Variants in CACNA2D3 observed in about 807,000 individuals in gnomAD.
CACNA2D3 encodes calcium voltage-gated channel auxiliary subunit alpha2delta 3, also known as voltage-dependent calcium channel subunit alpha-2/delta-3.
A neutral mutation model predicts 160.6 loss-of-function variants in CACNA2D3; 60 were observed. That is an observed-to-expected ratio of 0.37 (90% CI 0.30 to 0.46). The LOEUF (loss-of-function observed/expected upper bound fraction) is 0.46, where lower values mean the gene tolerates loss of function less well. CACNA2D3 is among the 20% of genes least tolerant of loss of function. The pLI is 1.00. For missense variants in CACNA2D3, 1,205 were observed against 1,365.0 expected, an observed-to-expected ratio of 0.88 and a Z score of 1.85; for synonymous variants, 558 against 492.9, an observed-to-expected ratio of 1.13 and a Z score of -1.75.
At chr3:55,002,451 C>G (rs1703004306) in intron 31 of CACNA2D3, among the ~76,000 whole-genome samples, 1 of 152,188 alleles carries the variant, frequency 6.6e-6, no homozygotes, top group African/African-American at 2.4e-5. Context: ...CAGTCAGGGA[C>G]CAATTAGAGT....
At chr3:54,404,686 A>G (rs1046626454) in intron 4 of CACNA2D3, among the ~76,000 whole-genome samples, 2 of 152,136 alleles carry the variant, frequency 1.3e-5, no homozygotes, top group Non-Finnish European at 2.9e-5. Flanking sequence ...AAAAGAAGTA[A>G]AATTATCACG....
intron 5 of CACNA2D3, among the ~76,000 whole-genome samples, chr3:54,554,005 C>T (rs1702200795): frequency 6.6e-6 from 1 of 152,204 alleles, no homozygotes; most frequent in Non-Finnish European, 1.5e-5. Context: ...TTGCCACGAC[C>T]TCCCCACCTC....
intron 11 of CACNA2D3, among the ~76,000 whole-genome samples, chr3:54,746,139 A>G (rs1228941486): frequency 6.6e-6 from 1 of 152,204 alleles, no homozygotes; most frequent in Non-Finnish European, 1.5e-5. Context: ...CTTTGAGCCC[A>G]TCTCTACTCT....
intron 29 of CACNA2D3, among the ~76,000 whole-genome samples, chr3:54,981,691 C>T (rs150211165): frequency 3.7e-4 from 57 of 152,294 alleles, no homozygotes; most frequent in African/African-American, 1.1e-3. Flanking sequence ...GGAGCCAAGC[C>T]GCAACACAAA....
At position 54,776,679 on chromosome 3, in the gene CACNA2D3, G is replaced by T. The variant is rs562828751; in HGVS notation, c.1380+12328G>T. 2.0e-3 allele frequency among the ~76,000 whole-genome samples: 302 copies of T among 152,276 alleles called. 2 individuals are homozygous for T. Among genetic ancestry groups the T allele is most frequent in the Non-Finnish European group, 2.6e-3 (178 of 68,018 alleles). On this transcript the variant is annotated intron_variant, in intron 13 of 37. Transcript: ENST00000474759. The stretch of plus-strand genomic sequence containing the variant: ...TGAGGTTTCTGTAACTTACAGCCCG[G>T]CTGAGCTCTGATCCTAACTCTCAGG...
intron 13 of CACNA2D3, among the ~76,000 whole-genome samples, chr3:54,800,278 A>G (rs1429833909): frequency 6.6e-6 from 1 of 152,218 alleles, no homozygotes; most frequent in Non-Finnish European, 1.5e-5. Flanking sequence ...GGGGACCAAT[A>G]TAATTTTCAA....
chr3:54,137,549 TG>T (rs1038949961), intron 2 of CACNA2D3, among the ~76,000 whole-genome samples: 8 of 152,214 alleles, frequency 5.3e-5, no homozygotes, highest in African/African-American at 1.9e-4. Context: ...CACAAAACTG[TG>T]TTTTTTTTCT....
intron 9 of CACNA2D3, among the ~76,000 whole-genome samples, chr3:54,609,071 G>T (rs772196383): frequency 6.6e-6 from 1 of 152,192 alleles, no homozygotes; most frequent in Admixed American, 6.5e-5. Flanking sequence ...AATCTTTAAT[G>T]TGTATTTGGA....
chr3:54,683,331 A>T (rs1442370179), intron 11 of CACNA2D3, among the ~76,000 whole-genome samples: 6 of 152,168 alleles, frequency 3.9e-5, no homozygotes, highest in African/African-American at 2.4e-5. Context: ...CTGCCTTGCT[A>T]TGTCTGGAAA....
intron 2 of CACNA2D3, among the ~76,000 whole-genome samples, chr3:54,261,681 C>T (rs1702402112): frequency 6.6e-6 from 1 of 152,222 alleles, no homozygotes; most frequent in Admixed American, 6.5e-5. Context: ...AAGTCTTTCA[C>T]ACCCTTAGCA....
At chr3:54,204,659 G>T (rs1701238892) in intron 2 of CACNA2D3, among the ~76,000 whole-genome samples, 1 of 152,136 alleles carries the variant, frequency 6.6e-6, no homozygotes, top group South Asian at 2.1e-4. Context: ...AGCTGGATGT[G>T]GTGGCACATG....
At chr3:54,849,929 C>G (rs1575510459) in intron 17 of CACNA2D3, among the ~76,000 whole-genome samples, 2 of 152,326 alleles carry the variant, frequency 1.3e-5, no homozygotes, top group East Asian at 3.9e-4. Flanking sequence ...TTCCCCTGAA[C>G]TTAATGTTTG....
chr3:54,380,798 T>C (rs1437122713), intron 3 of CACNA2D3, among the ~76,000 whole-genome samples: 1 of 152,176 alleles, frequency 6.6e-6, no homozygotes, highest in Non-Finnish European at 1.5e-5. Flanking sequence ...GCTCTGGGTA[T>C]GGTTGTGATA....
At chr3:54,513,759 C>G (rs146767897) in intron 5 of CACNA2D3, among the ~76,000 whole-genome samples, 2,935 of 152,258 alleles carry the variant, frequency 0.019, 69 homozygotes, top group East Asian at 0.084. Context: ...CAGCTCATTG[C>G]AACCTCTGCC....
chr3:54,740,924 T>C (rs1197358391), intron 11 of CACNA2D3, among the ~76,000 whole-genome samples: 1 of 152,204 alleles, frequency 6.6e-6, no homozygotes, highest in Non-Finnish European at 1.5e-5. Context: ...TGTAACCTGC[T>C]GCTGTGCTGC....
intron 4 of CACNA2D3, among the ~76,000 whole-genome samples, chr3:54,422,085 T>C (rs141664765): frequency 1.8e-3 from 273 of 152,356 alleles, no homozygotes; most frequent in African/African-American, 6.1e-3. Flanking sequence ...CTAATTGTAG[T>C]GTCTGCATGT....
At chr3:54,728,591 A>G (rs1344857685) in intron 11 of CACNA2D3, among the ~76,000 whole-genome samples, 2 of 152,136 alleles carry the variant, frequency 1.3e-5, no homozygotes, top group East Asian at 1.9e-4. Context: ...GGCATGCCCA[A>G]CAATTCTTGA....
chr3:54,662,868 A>G (rs1699997302), intron 11 of CACNA2D3, among the ~76,000 whole-genome samples: 1 of 152,242 alleles, frequency 6.6e-6, no homozygotes. Context: ...GCTGAGTTTG[A>G]TGACCAACTT....
intron 14 of CACNA2D3, among the ~76,000 whole-genome samples, chr3:54,830,736 C>G (rs1703857615): frequency 6.6e-6 from 1 of 152,148 alleles, no homozygotes; most frequent in Non-Finnish European, 1.5e-5. Context: ...CTTGGCCTCC[C>G]AAAGTGCTGG....
Sources: gnomAD v4.1 joint callset for allele counts (sites outside exome capture counted in the v4.1 genomes callset) on GRCh38, gnomAD v4.1.1 for gene constraint, MANE v1.5 for transcripts, NCBI Gene and HGNC (gene_info 2026-07-23, HGNC 2026-07-21) for gene names.